Variants in RALGPS1 observed in about 807,000 individuals in gnomAD.
RALGPS1 encodes Ral GEF with PH domain and SH3 binding motif 1, also known as ras-specific guanine nucleotide-releasing factor RalGPS1.
Under a neutral mutation model 78.8 loss-of-function variants are expected in RALGPS1, and 19 were observed. The ratio of observed to expected loss-of-function variants is 0.24; its 90% CI spans 0.17 to 0.35. The LOEUF is 0.35. Ranked by LOEUF, RALGPS1 falls within the 10% of genes least tolerant of loss-of-function variation. The probability of loss-of-function intolerance (pLI) is 1.00; values close to 1 mark genes in which losing one functional copy is unlikely to be tolerated. For missense variants in RALGPS1, 454 were observed against 688.3 expected, an observed-to-expected ratio of 0.66 and a Z score of 3.81; for synonymous variants, 228 against 256.3, an observed-to-expected ratio of 0.89 and a Z score of 1.06.
At chr9:127,178,579 C>G in intron 11 of RALGPS1, 5 of 809,806 alleles carry the variant, frequency 6.2e-6, no homozygotes, top group Non-Finnish European at 7.5e-6. Context: ...ATCACTGCCT[C>G]GGGGAAGCCT....
In RALGPS1 at chr9:127,188,832, T is replaced by TTAA. The variant is rs756481918; in HGVS notation, c.911-6259_911-6258insTAA. 1.7e-3 allele frequency among the ~76,000 whole-genome samples: 148 copies of TTAA among 87,430 alleles called. 11 individuals are homozygous for TTAA. Among genetic ancestry groups the TTAA allele is most frequent in the South Asian group, 4.9e-3 (9 of 1,840 alleles). The allele number at this position is 87,430 out of a possible 152,430, so 57.4% of individuals were successfully genotyped here. A position where few individuals can be genotyped will look rare whatever the true frequency, so the allele number is the denominator to read the frequency against. On this transcript the variant is annotated intron_variant, in intron 11 of 18. Transcript: ENST00000259351. ...AAAGACTAAGAAACCCCATCTCTAC[T>TTAA]AAAAAAAAAAAAAAAAATGTAGCCA...
chr9:127,122,573 GC>G lies in RALGPS1; in HGVS notation c.611-43494del, dbSNP rs1448305641. 6.5e-6 allele frequency: 1 copy of G among 153,186 alleles called. No homozygotes were observed. Among genetic ancestry groups the G allele is most frequent in the Non-Finnish European group, 1.5e-5 (1 of 68,842 alleles). 9.5% of individuals were successfully genotyped at this position (153,186 alleles called of 1,614,324 possible). A position where few individuals can be genotyped will look rare whatever the true frequency, so the allele number is the denominator to read the frequency against. ...CAGTAGCGTCAGCCGCTGCCTCAGT[GC>G]CACGCTCGGCAGGTCCAGGGCTTGG... On this transcript the variant is annotated intron_variant, in intron 8 of 18. Coordinates refer to ENST00000259351, the MANE Select transcript of RALGPS1 (RefSeq NM_014636.3). The surrounding 1 kb of genome is among the most constrained non-coding windows in gnomAD (Gnocchi z 6.4).
chr9:127,057,686 G>C (rs1321115263), intron 7 of RALGPS1, among the ~76,000 whole-genome samples: 1 of 152,212 alleles, frequency 6.6e-6, no homozygotes. Context: ...AGAAGTTGTA[G>C]CAGCCATTTC....
chr9:127,032,382 C>T (rs962253471), intron 4 of RALGPS1, among the ~76,000 whole-genome samples: 40 of 152,108 alleles, frequency 2.6e-4, no homozygotes, highest in Admixed American at 6.5e-5. Context: ...TGCACACACA[C>T]ACACACACAC....
chr9:127,132,217 A>G (rs181645735), intron 8 of RALGPS1, among the ~76,000 whole-genome samples: 3 of 152,322 alleles, frequency 2.0e-5, no homozygotes, highest in East Asian at 3.9e-4. Flanking sequence ...GGGAAAATGT[A>G]GCATTTAAGC....
At chr9:127,129,220 G>C (rs1019491750) in intron 8 of RALGPS1, among the ~76,000 whole-genome samples, 12 of 152,188 alleles carry the variant, frequency 7.9e-5, no homozygotes, top group Non-Finnish European at 1.0e-4. Flanking sequence ...CCCAAGAGAG[G>C]AGACTGAGGA....
intron 8 of RALGPS1, among the ~76,000 whole-genome samples, chr9:127,104,046 A>G (rs1589493435): frequency 6.6e-6 from 1 of 152,154 alleles, no homozygotes; most frequent in East Asian, 1.9e-4. Flanking sequence ...TCTGCCACCA[A>G]CAGGCTCTGT....
chr9:127,054,067 A>G (rs930813405), intron 7 of RALGPS1, among the ~76,000 whole-genome samples: 3 of 152,190 alleles, frequency 2.0e-5, no homozygotes, highest in Non-Finnish European at 4.4e-5. Context: ...GCTGCCAAGC[A>G]GGCAGTTTGG....
intron 1 of RALGPS1, among the ~76,000 whole-genome samples, chr9:126,931,805 TTTTC>T (rs1280803834): frequency 6.6e-6 from 1 of 152,176 alleles, no homozygotes; most frequent in Non-Finnish European, 1.5e-5. Context: ...AAAAATAACT[TTTTC>T]TTATTAAATT....
At position 127,075,292 on chromosome 9, in the gene RALGPS1, T is replaced by C. The variant is rs1266604726; in HGVS notation, c.610+5936T>C. Reference sequence around the variant, plus strand: ...GGTGGACTACATTTCTTATGTTGCATCTGACATATACAAGTCAGAGGGAGA... The same window carrying C: ...GGTGGACTACATTTCTTATGTTGCACCTGACATATACAAGTCAGAGGGAGA... On this transcript the variant is annotated intron_variant, in intron 8 of 18. Coordinates refer to ENST00000259351, the MANE Select transcript of RALGPS1 (RefSeq NM_014636.3). 5.3e-5 allele frequency among the ~76,000 whole-genome samples: 8 copies of C among 152,358 alleles called. No individual in the cohort carries two copies. In the East Asian group the frequency reaches 1.5e-3, roughly 29 times the overall value.
chr9:126,954,351 C>T (rs537993681), intron 1 of RALGPS1, among the ~76,000 whole-genome samples: 61 of 152,352 alleles, frequency 4.0e-4, no homozygotes, highest in Middle Eastern at 3.4e-3. Flanking sequence ...CCATTCCCCA[C>T]GAATCCAAGC....
At chr9:127,028,888 C>T (rs62580807) in intron 4 of RALGPS1, among the ~76,000 whole-genome samples, 4,159 of 152,174 alleles carry the variant, frequency 0.027, 52 homozygotes, top group Middle Eastern at 0.048. Flanking sequence ...ATGTAAGTCC[C>T]TAACTACTAC....
Position 127,052,876 on chromosome 9 carries a change from T to C in RALGPS1, c.420T>C (p.Ser140=). 1 of 1,610,542 alleles carries C rather than the reference T, an allele frequency of 6.2e-7. No individual in the cohort carries two copies. The highest frequency in any genetic ancestry group is 2.2e-5 in the East Asian group (1 of 44,872). The change falls in exon 7 of 19, where the codon TCT becomes TCC. Residue 140 remains serine, a synonymous_variant. Transcript: ENST00000259351. ...TTCTAGAACTCAACAACCTTCATTCTCTCATGTCTGTGGTATCAGCATTAC... is the reference window on the plus strand; with the variant it reads ...TTCTAGAACTCAACAACCTTCATTCCCTCATGTCTGTGGTATCAGCATTAC... ...KKLLELNNLH[S]LMSVVSALQS...
At chr9:127,200,354 C>A (rs1323943287) in intron 14 of RALGPS1, among the ~76,000 whole-genome samples, 2 of 152,366 alleles carry the variant, frequency 1.3e-5, no homozygotes, top group Middle Eastern at 3.4e-3. Context: ...TGTACCAAAT[C>A]CTCAGCACTC....
rs1165893053 is a variant in RALGPS1 at position 127,214,792 on chromosome 9, A to G, written c.1594A>G (p.Ile532Val). The change falls in exon 18 of 19, where the codon ATA becomes GTA. Residue 532 changes from isoleucine (I) to valine (V), a missense_variant. By Grantham distance (29) the Ile-to-Val change is conservative. Transcript: ENST00000259351. ...TCAGACTGGTTCCCGATTTCATGCA[A>G]TACTGTGGCACAAGCATTTGGATGA... ...KFQTGSRFHA[I>V]LWHKHLDDAC... The G allele has an allele frequency of 6.2e-7, 1 of 1,611,826 alleles. No homozygotes were observed. Among genetic ancestry groups the G allele is most frequent in the Non-Finnish European group, 8.5e-7 (1 of 1,179,238 alleles).
At chr9:127,178,470 C>T (rs1005644042) in intron 11 of RALGPS1, 21 of 991,756 alleles carry the variant, frequency 2.1e-5, no homozygotes, top group Non-Finnish European at 2.2e-5. Context: ...ATAGAACACA[C>T]GTGTTAGGTG....
At chr9:127,162,011 G>A (rs1363845702) in intron 8 of RALGPS1, among the ~76,000 whole-genome samples, 1 of 152,222 alleles carries the variant, frequency 6.6e-6, no homozygotes, top group Non-Finnish European at 1.5e-5. Flanking sequence ...TGCTCGGTAA[G>A]CATTAGCTCT....
intron 5 of RALGPS1, among the ~76,000 whole-genome samples, chr9:127,043,683 G>A (rs2047513725): frequency 6.6e-6 from 1 of 152,080 alleles, no homozygotes; most frequent in Non-Finnish European, 1.5e-5. Flanking sequence ...CACAGATTGG[G>A]AGAAAATATT....
chr9:127,207,138 A>G (rs1178996250), intron 14 of RALGPS1, among the ~76,000 whole-genome samples: 1 of 151,444 alleles, frequency 6.6e-6, no homozygotes, highest in African/African-American at 2.4e-5. Context: ...TCATCCTCCC[A>G]CTTTTACTGT....
Sources: allele counts gnomAD v4.1 joint callset (sites outside exome capture counted in the v4.1 genomes callset), GRCh38; gene constraint gnomAD v4.1.1; non-coding constraint Gnocchi (gnomAD v3.1); transcripts MANE v1.5; gene names NCBI Gene and HGNC (gene_info 2026-07-23, HGNC 2026-07-21).